The following AGMO variants were observed in gnomAD, a reference collection of about 807,000 sequenced individuals.
The protein encoded by AGMO is alkylglycerol monooxygenase, also known as glyceryl-ether monooxygenase.
Under a neutral mutation model 60.2 loss-of-function variants are expected in AGMO, and 75 were observed. The ratio of observed to expected loss-of-function variants is 1.25; its 90% CI spans 1.03 to 1.51. The LOEUF is 1.51. Among genes scored for constraint, AGMO ranks in the 40% most tolerant of loss-of-function variants. AGMO has a pLI of 0.00. For missense variants in AGMO, 763 were observed against 525.5 expected, an observed-to-expected ratio of 1.45 and a Z score of -4.42; for synonymous variants, 261 against 177.1, an observed-to-expected ratio of 1.47 and a Z score of -3.76.
intron 3 of AGMO, among the ~76,000 whole-genome samples, chr7:15,526,794 C>T (rs2128538592): frequency 6.6e-6 from 1 of 152,236 alleles, no homozygotes; most frequent in East Asian, 1.9e-4. Context: ...ATTTTATCAC[C>T]ACCATTTTTC....
intron 6 of AGMO, among the ~76,000 whole-genome samples, chr7:15,393,897 A>T (rs1583501291): frequency 6.6e-6 from 1 of 152,170 alleles, no homozygotes; most frequent in East Asian, 1.9e-4. Flanking sequence ...CAAAAGTCAG[A>T]TAGATAAATC....
the AGMO span, among the ~76,000 whole-genome samples, chr7:15,118,209 C>CACACACACACACAT: frequency 1.3e-5 from 2 of 149,368 alleles, no homozygotes; most frequent in East Asian, 2.0e-4. Flanking sequence ...CACACACACA[C>CACACACACACACAT]ATATATACAA....
At chr7:15,128,720 A>G in the AGMO span, among the ~76,000 whole-genome samples, 1 of 152,118 alleles carries the variant, frequency 6.6e-6, no homozygotes, top group East Asian at 1.9e-4. Context: ...CATTTGAAAC[A>G]GTTTAAAATG....
intron 12 of AGMO, among the ~76,000 whole-genome samples, chr7:15,287,756 T>C (rs1784139660): frequency 6.6e-6 from 1 of 151,120 alleles, no homozygotes. Context: ...CATCAATGAA[T>C]ACTTTAAATG....
chr7:15,199,496 G>T (rs1781218615), downstream of AGMO, among the ~76,000 whole-genome samples: 1 of 151,938 alleles, frequency 6.6e-6, no homozygotes, highest in Admixed American at 6.6e-5. Context: ...CATTCCTTGG[G>T]GAATCATTAA....
At chr7:15,285,492 ATACTT>A (rs1784076197) in intron 12 of AGMO, among the ~76,000 whole-genome samples, 1 of 152,094 alleles carries the variant, frequency 6.6e-6, no homozygotes, top group African/African-American at 2.4e-5. Flanking sequence ...AAAAACTAAA[ATACTT>A]TAGGATATAC....
At chr7:15,508,969 T>G (rs576537271) in intron 3 of AGMO, among the ~76,000 whole-genome samples, 10 of 152,316 alleles carry the variant, frequency 6.6e-5, no homozygotes, top group African/African-American at 2.2e-4. Flanking sequence ...TCAAAAATGC[T>G]AAAAATTGAC....
At chr7:15,427,779 A>G (rs1341292230) in intron 4 of AGMO, among the ~76,000 whole-genome samples, 2 of 152,150 alleles carry the variant, frequency 1.3e-5, no homozygotes, top group African/African-American at 2.4e-5. Flanking sequence ...ATGCAAAACC[A>G]TATATTGCAG....
intron 12 of AGMO, among the ~76,000 whole-genome samples, chr7:15,364,294 T>TTACA (rs970436584): frequency 6.6e-6 from 1 of 151,990 alleles, no homozygotes; most frequent in African/African-American, 2.4e-5. Flanking sequence ...CTAGATATAT[T>TTACA]TACATACATA....
chr7:15,139,842 T>G, the AGMO span, among the ~76,000 whole-genome samples: 1 of 138,312 alleles, frequency 7.2e-6, no homozygotes, highest in South Asian at 2.2e-4. Flanking sequence ...AAAAAAAGAA[T>G]AATACAGTAT....
intron 12 of AGMO, among the ~76,000 whole-genome samples, chr7:15,241,997 G>C (rs1476612262): frequency 6.6e-6 from 1 of 152,068 alleles, no homozygotes; most frequent in Non-Finnish European, 1.5e-5. Flanking sequence ...AATCTTATAA[G>C]TATGCCACAT....
intron 3 of AGMO, among the ~76,000 whole-genome samples, chr7:15,449,637 G>C (rs963390757): frequency 6.6e-6 from 1 of 152,126 alleles, no homozygotes. Flanking sequence ...CTAGGTTTGT[G>C]TAAGTACACT....
At chr7:15,146,304 A>G in the AGMO span, among the ~76,000 whole-genome samples, 3 of 152,200 alleles carry the variant, frequency 2.0e-5, no homozygotes, top group Non-Finnish European at 4.4e-5. Flanking sequence ...TCTTAAAGTA[A>G]GAATGTACAT....
intron 12 of AGMO, among the ~76,000 whole-genome samples, chr7:15,246,728 T>C (rs1782753900): frequency 6.6e-6 from 1 of 152,174 alleles, no homozygotes; most frequent in African/African-American, 2.4e-5. Flanking sequence ...CTAGCACTTC[T>C]CACTTTCTAC....
intron 12 of AGMO, among the ~76,000 whole-genome samples, chr7:15,356,950 T>C (rs1230086784): frequency 1.8e-5 from 2 of 110,802 alleles, no homozygotes; most frequent in Non-Finnish European, 3.8e-5. Context: ...TCTACTAAAA[T>C]TACAAAAAAA....
At chr7:15,489,536 T>C (rs1415988564) in intron 3 of AGMO, among the ~76,000 whole-genome samples, 1 of 152,178 alleles carries the variant, frequency 6.6e-6, no homozygotes, top group Non-Finnish European at 1.5e-5. Context: ...GAAAGATTTA[T>C]GGAGCTCCCA....
chr7:15,168,519 A>G, the AGMO span, among the ~76,000 whole-genome samples: 2 of 152,162 alleles, frequency 1.3e-5, no homozygotes, highest in Admixed American at 6.5e-5. Context: ...AATTGTGGAG[A>G]GGCTGACCTT....
chr7:15,428,093 G>C (rs1384671015), intron 4 of AGMO, among the ~76,000 whole-genome samples: 1 of 146,798 alleles, frequency 6.8e-6, no homozygotes. Context: ...AAAATACATT[G>C]TTACCTTGGT....
chr7:15,347,587 A>G (rs775963017), intron 12 of AGMO, among the ~76,000 whole-genome samples: 10 of 147,950 alleles, frequency 6.8e-5, no homozygotes, highest in Non-Finnish European at 1.2e-4. Flanking sequence ...ACTCAAAAAC[A>G]TCCTCAGTCC....
Sources: allele counts gnomAD v4.1 joint callset (sites outside exome capture counted in the v4.1 genomes callset), GRCh38; gene constraint gnomAD v4.1.1; transcripts MANE v1.5; gene names NCBI Gene and HGNC (gene_info 2026-07-23, HGNC 2026-07-21).